Variants in COG4 observed in about 807,000 individuals in gnomAD.
COG4 encodes conserved oligomeric Golgi complex subunit 4.
A neutral mutation model predicts 95.1 loss-of-function variants in COG4; 65 were observed. The ratio of observed to expected loss-of-function variants is 0.68; its 90% CI spans 0.56 to 0.84. COG4 has a LOEUF of 0.84. Ranked by LOEUF, COG4 falls within the 40% of genes least tolerant of loss-of-function variation. The probability of loss-of-function intolerance (pLI) is 0.00; values close to 1 mark genes in which losing one functional copy is unlikely to be tolerated. For synonymous variants in COG4, 421 were observed against 374.8 expected (o/e 1.12, Z -1.42); for missense variants, 1,045 against 989.1 (o/e 1.06, Z -0.76).
At chr16:70,484,045 A>C in intron 13 of COG4, 76 bp from the exon 14 acceptor site, 1 of 1,054,904 alleles carries the variant, frequency 9.5e-7, no homozygotes, top group Non-Finnish European at 1.5e-6. Context: ...AGCCAGTTCT[A>C]CTCCTCCAGC....
At chr16:70,521,992 C>T (rs1260023639) in intron 1 of COG4, among the ~76,000 whole-genome samples, 3 of 150,780 alleles carry the variant, frequency 2.0e-5, no homozygotes, top group East Asian at 3.9e-4. Context: ...TGAGCCACCG[C>T]GCCAGGCTTT....
intron 4 of COG4, 81 bp from the exon 5 acceptor site, chr16:70,512,513 A>T (rs1398001640): frequency 8.8e-7 from 1 of 1,140,724 alleles, no homozygotes; most frequent in Admixed American, 2.0e-5. Context: ...AATACTATTC[A>T]TCCAGCAAAT....
intron 1 of COG4, 180 bp downstream of exon 1, chr16:70,523,193 G>A (rs1301783791): frequency 1.5e-6 from 1 of 680,866 alleles, no homozygotes; most frequent in African/African-American, 1.8e-5. Flanking sequence ...AGCTCGGCGC[G>A]TCCGACAGCG....
chr16:70,506,554 C>T (rs958168277), intron 8 of COG4, among the ~76,000 whole-genome samples: 1 of 136,962 alleles, frequency 7.3e-6, no homozygotes, highest in South Asian at 2.3e-4. Flanking sequence ...TCACACCATG[C>T]CACTGCACTC....
At chr16:70,521,609 A>AT (rs761893978) in intron 1 of COG4, among the ~76,000 whole-genome samples, 16 of 151,866 alleles carry the variant, frequency 1.1e-4, no homozygotes, top group South Asian at 8.3e-4. Context: ...TACTTATATC[A>AT]TTTTGTCTGT....
In COG4 at chr16:70,480,754, T is replaced by C; in HGVS notation, c.*256A>G. On this transcript the variant is annotated 3_prime_UTR_variant, in exon 19 of 19. Coordinates refer to ENST00000323786, the MANE Select transcript of COG4 (RefSeq NM_015386.3). ...CAGAAAGCTGGCCTGGGCTGCTCGC[T>C]GCCTGCCGTGGCTTTCCCACCTCAT... is the stretch of plus-strand genomic sequence containing the variant. 1.9e-6 allele frequency: 1 copy of C among 530,296 alleles called. No homozygotes were observed. Among genetic ancestry groups the C allele is most frequent in the Non-Finnish European group, 3.4e-6 (1 of 292,660 alleles). The allele number at this position is 530,296 out of a possible 1,614,324, so 32.8% of individuals were successfully genotyped here.
rs749640401 is a variant in COG4 at position 70,512,340 on chromosome 16, C to T, written c.637G>A (p.Glu213Lys). 4 of 1,614,176 alleles carry T rather than the reference C, an allele frequency of 2.5e-6. No homozygotes were observed. Among genetic ancestry groups the T allele is most frequent in the East Asian group, 2.2e-5 (1 of 44,888 alleles). ...VAEKFAIATK[E>K]GDLPQVERFF... ...CGCTCCACCTGGGGCAGATCACCTT[C>T]CTTGGTGGCAATGGCAAACTTCTCT... is the stretch of plus-strand genomic sequence containing the variant. Residue 213 changes from glutamate to lysine, a missense_variant, in exon 5 of 19, where the codon GAA (glutamate) becomes AAA (lysine). Coordinates refer to ENST00000323786, the MANE Select transcript of COG4 (RefSeq NM_015386.3).
chr16:70,513,154 A>G (rs2049747372), intron 4 of COG4, among the ~76,000 whole-genome samples: 1 of 152,220 alleles, frequency 6.6e-6, no homozygotes, highest in Non-Finnish European at 1.5e-5. Context: ...GATGAAAAGA[A>G]TATTTGCAGA....
intron 16 of COG4, 96 bp from the exon 17 acceptor site, chr16:70,481,961 G>A: frequency 7.3e-7 from 1 of 1,360,554 alleles, no homozygotes; most frequent in Non-Finnish European, 1.0e-6. Context: ...TGAGGCCACG[G>A]GGGAGTTTCT....
intron 8 of COG4, among the ~76,000 whole-genome samples, chr16:70,502,211 G>A (rs945529766): frequency 6.7e-6 from 1 of 148,810 alleles, no homozygotes; most frequent in Admixed American, 6.7e-5. Flanking sequence ...GAACCCGGGA[G>A]GCGGAGGTTG....
rs554334865 is a variant in COG4, at chr16:70,505,102, C to T, written c.1061+3304G>A. Reference sequence around the variant, plus strand: ...ACGAAGAAAAAATTATGTTTGCTTGCTCACTTTGCTTGTTGCCATATCAAG... The same window carrying T: ...ACGAAGAAAAAATTATGTTTGCTTGTTCACTTTGCTTGTTGCCATATCAAG... On this transcript the variant is annotated intron_variant, in intron 8 of 18. Transcript: ENST00000323786. 1.2e-4 allele frequency among the ~76,000 whole-genome samples: 19 copies of T among 152,068 alleles called. No individual in the cohort carries two copies. The South Asian group carries it at 3.9e-3, about 32-fold the overall frequency.
intron 4 of COG4, among the ~76,000 whole-genome samples, chr16:70,513,392 T>C (rs975580142): frequency 8.5e-5 from 13 of 152,218 alleles, no homozygotes; most frequent in Admixed American, 2.0e-4. Flanking sequence ...TTCAGTTTCC[T>C]TTTCCATAAA....
intron 3 of COG4, chr16:70,515,805 CAGTA>C (rs1291251622): frequency 6.6e-6 from 2 of 304,564 alleles, no homozygotes; most frequent in Non-Finnish European, 1.3e-5. Context: ...CACGTTTCAC[CAGTA>C]AGTATGATAT....
At chr16:70,485,894 T>C (rs1306479052) in intron 13 of COG4, among the ~76,000 whole-genome samples, 2 of 101,722 alleles carry the variant, frequency 2.0e-5, no homozygotes, top group African/African-American at 1.6e-4. Flanking sequence ...CCAGAATGCC[T>C]GTCTTTTTTT....
chr16:70,481,213 CA>C, intron 18 of COG4, 69 bp from the exon 19 acceptor site: 1 of 1,609,140 alleles, frequency 6.2e-7, no homozygotes, highest in Non-Finnish European at 8.5e-7. Flanking sequence ...TGGCCTCTAC[CA>C]GGGGCAGAGC....
rs1438411473 is a variant in COG4 at position 70,509,319 on chromosome 16, G to A, written c.914C>T (p.Thr305Ile). The A allele has an allele frequency of 6.2e-7, 1 of 1,614,156 alleles. No homozygotes were observed. Among genetic ancestry groups the A allele is most frequent in the East Asian group, 2.2e-5 (1 of 44,888 alleles). The change falls in exon 7 of 19, where the codon ACC (threonine) becomes ATC (isoleucine). Residue 305 changes from threonine to isoleucine, a missense_variant. Physicochemically the swap from Thr to Ile is moderately conservative, Grantham distance 89. Coordinates refer to ENST00000323786, the MANE Select transcript of COG4 (RefSeq NM_015386.3). ...TTCCACCTGCAGATATTTGATCAGG[G>A]TATAGAGTCTCCCTGGCCCATAATA... ...ETYYGPGRLYTLIKYLQVECD... is the reference protein window; with the variant it reads ...ETYYGPGRLYILIKYLQVECD...
chr16:70,515,985 A>T (rs1388640578), intron 3 of COG4: 8 of 455,860 alleles, frequency 1.8e-5, no homozygotes, highest in African/African-American at 4.0e-5. Flanking sequence ...GGTTTTTCAC[A>T]GATGCTCTTT....
At chr16:70,506,628 A>AAAAAAAAAT (rs2049582396) in intron 8 of COG4, among the ~76,000 whole-genome samples, 1 of 135,700 alleles carries the variant, frequency 7.4e-6, no homozygotes, top group Non-Finnish European at 1.5e-5. Flanking sequence ...CAAAAAAAAA[A>AAAAAAAAAT]ACATTTAGCT....
At position 70,519,598 on chromosome 16, in the gene COG4, A is replaced by G. The variant is rs544216228; in HGVS notation, c.254+51T>C. On this transcript the variant is annotated intron_variant, in intron 2 of 18. Transcript: ENST00000323786. ...AGTTTAAAAAATGGTCACTTGTCCA[A>G]TTGACCCTGTTGGAATTTACATTAG... is the stretch of plus-strand genomic sequence containing the variant. The G allele has an allele frequency of 5.8e-5, 80 of 1,391,138 alleles. No individual in the cohort carries two copies. The East Asian group carries it at 1.3e-3, about 22-fold the overall frequency. 86.2% of individuals were successfully genotyped at this position (1,391,138 alleles called of 1,614,324 possible). A position where few individuals can be genotyped will look rare whatever the true frequency, so the allele number is the denominator to read the frequency against.
Sources: allele counts gnomAD v4.1 joint callset (sites outside exome capture counted in the v4.1 genomes callset), GRCh38; gene constraint gnomAD v4.1.1; transcripts MANE v1.5; gene names NCBI Gene and HGNC (gene_info 2026-07-23, HGNC 2026-07-21).